FOXO3: variants seen among roughly 807,000 people sequenced by gnomAD.
FOXO3 encodes forkhead box O3.
Under a neutral mutation model 41.9 loss-of-function variants are expected in FOXO3, and 4 were observed. That is an observed-to-expected ratio of 0.10 (90% CI 0.05 to 0.22). The LOEUF (loss-of-function observed/expected upper bound fraction) is 0.22. FOXO3 is among the 10% of genes least tolerant of loss of function. FOXO3 has a pLI of 1.00. For missense variants in FOXO3, 534 were observed against 906.8 expected, an observed-to-expected ratio of 0.59 and a Z score of 5.28; for synonymous variants, 318 against 389.3, an observed-to-expected ratio of 0.82 and a Z score of 2.16.
In FOXO3 at chr6:108,572,571, A is replaced by G. The variant is rs1776132325; in HGVS notation, c.621+10742A>G. Among the ~76,000 whole-genome samples, 3 of 152,328 alleles carry G rather than the reference A, an allele frequency of 2.0e-5. No individual in the cohort carries two copies. In the South Asian group the frequency reaches 6.2e-4, roughly 32 times the overall value. On this transcript the variant is annotated intron_variant, in intron 1 of 2. Transcript: ENST00000406360. ...AGGTACCCAGTAGGTGTTTGGCTTGAAATGTTCAGACATTTAAGAATCAGA... is the reference window on the plus strand; with the variant it reads ...AGGTACCCAGTAGGTGTTTGGCTTGGAATGTTCAGACATTTAAGAATCAGA...
intron 1 of FOXO3, among the ~76,000 whole-genome samples, chr6:108,646,569 C>G (rs953749885): frequency 1.3e-5 from 2 of 152,146 alleles, no homozygotes; most frequent in Admixed American, 6.5e-5. Flanking sequence ...TCTAATAGAA[C>G]TTAATTTTCT....
chr6:108,602,763 A>G (rs758641140), intron 1 of FOXO3, among the ~76,000 whole-genome samples: 1 of 152,104 alleles, frequency 6.6e-6, no homozygotes, highest in Non-Finnish European at 1.5e-5. Context: ...GATTGTGTAC[A>G]TGTGTCTTTC....
At chr6:108,610,724 C>T (rs1392101630) in intron 1 of FOXO3, among the ~76,000 whole-genome samples, 1 of 152,138 alleles carries the variant, frequency 6.6e-6, no homozygotes, top group African/African-American at 2.4e-5. Context: ...ATCTTGTAAC[C>T]CAGAAAGGAT....
At chr6:108,574,626 A>G (rs956650351) in intron 1 of FOXO3, among the ~76,000 whole-genome samples, 2 of 152,198 alleles carry the variant, frequency 1.3e-5, no homozygotes, top group African/African-American at 4.8e-5. Flanking sequence ...GGCTGCCAAG[A>G]TAGAGACAGA....
At chr6:108,667,178 G>A (rs1334927843) in intron 2 of FOXO3, among the ~76,000 whole-genome samples, 2 of 152,140 alleles carry the variant, frequency 1.3e-5, no homozygotes, top group African/African-American at 4.8e-5. Flanking sequence ...CCTTGAGATG[G>A]TGAAAAGACT....
At chr6:108,621,321 G>A (rs898558550) in intron 1 of FOXO3, among the ~76,000 whole-genome samples, 3 of 152,128 alleles carry the variant, frequency 2.0e-5, no homozygotes, top group Admixed American at 1.3e-4. Context: ...GAGTAAGCCC[G>A]CTGCCTTGCC....
chr6:108,582,987 G>A (rs1428912379), intron 1 of FOXO3, among the ~76,000 whole-genome samples: 2 of 152,136 alleles, frequency 1.3e-5, no homozygotes, highest in Non-Finnish European at 2.9e-5. Flanking sequence ...GTCCTGAAAC[G>A]CAGTGCCTTG....
Position 108,665,127 on chromosome 6 carries a change from C to T in FOXO3, c.*34+238C>T, listed in dbSNP as rs543302000. 7.6e-4 allele frequency among the ~76,000 whole-genome samples: 115 copies of T among 152,222 alleles called. 1 individual carries two copies. The highest frequency in any genetic ancestry group is 1.3e-3 in the East Asian group (7 of 5,188). On this transcript the variant is annotated intron_variant, in intron 2 of 2. Coordinates refer to ENST00000406360, the MANE Select transcript of FOXO3 (RefSeq NM_001455.4). Reference sequence around the variant, plus strand: ...GCTGATAGTTCAGAAATCTACTGCTCGTGAAGAGAACACGTACGCATTCAG... The same window carrying T: ...GCTGATAGTTCAGAAATCTACTGCTTGTGAAGAGAACACGTACGCATTCAG...
chr6:108,674,684 G>A (rs908974495), intron 2 of FOXO3, among the ~76,000 whole-genome samples: 4 of 152,176 alleles, frequency 2.6e-5, no homozygotes, highest in African/African-American at 9.7e-5. Flanking sequence ...CAGGCAAAGT[G>A]TCTTTGAACC....
chr6:108,618,199 C>T, intron 1 of FOXO3: 7 of 962,120 alleles, frequency 7.3e-6, no homozygotes, highest in Non-Finnish European at 1.2e-5. Flanking sequence ...TCTTAAACTG[C>T]ACCACAGAAC....
At chr6:108,600,111 T>C (rs1777003254) in intron 1 of FOXO3, among the ~76,000 whole-genome samples, 2 of 152,192 alleles carry the variant, frequency 1.3e-5, no homozygotes, top group African/African-American at 4.8e-5. Flanking sequence ...TTGGGAAAGC[T>C]TCTGTGGCTG....
intron 2 of FOXO3, among the ~76,000 whole-genome samples, chr6:108,678,188 T>A (rs1562270469): frequency 6.6e-6 from 1 of 152,212 alleles, no homozygotes. Flanking sequence ...AGATTGAAGT[T>A]ACAGTACACT....
intron 1 of FOXO3, among the ~76,000 whole-genome samples, chr6:108,637,737 G>A (rs1271101919): frequency 2.0e-5 from 3 of 151,772 alleles, no homozygotes; most frequent in Admixed American, 6.6e-5. Flanking sequence ...CCCCCTTTTG[G>A]TCTCTTCTCT....
At chr6:108,609,301 G>A (rs532923058) in intron 1 of FOXO3, among the ~76,000 whole-genome samples, 1 of 152,292 alleles carries the variant, frequency 6.6e-6, no homozygotes, top group Non-Finnish European at 1.5e-5. Context: ...AGACTAGACA[G>A]ATTTCACTTT....
At chr6:108,679,151 G>C (rs1048574028) in intron 2 of FOXO3, among the ~76,000 whole-genome samples, 3 of 152,126 alleles carry the variant, frequency 2.0e-5, no homozygotes, top group African/African-American at 4.8e-5. Flanking sequence ...GATTACAGGC[G>C]TGAGCCACTG....
chr6:108,659,180 T>TG (rs1224641048), intron 1 of FOXO3, among the ~76,000 whole-genome samples: 11 of 152,214 alleles, frequency 7.2e-5, no homozygotes, highest in African/African-American at 2.7e-4. Context: ...GCACTGTGCC[T>TG]GGCTCAGACT....
rs145661810 is a variant in FOXO3 at position 108,658,023 on chromosome 6, C to T, written c.622-5432C>T. ...GTTGGCTCTTACATGTGAGTTTCTT[C>T]TGCGGGGCTGACTGTGGAGTGGAGT... On this transcript the variant is annotated intron_variant, in intron 1 of 2. Coordinates refer to ENST00000406360, the MANE Select transcript of FOXO3 (RefSeq NM_001455.4). Among the ~76,000 whole-genome samples, 1,066 of 152,266 alleles carry T rather than the reference C, an allele frequency of 7.0e-3. 23 individuals are homozygous for T. Among genetic ancestry groups the T allele is most frequent in the South Asian group, 0.048 (231 of 4,820 alleles).
chr6:108,574,418 G>A (rs1231179124), intron 1 of FOXO3, among the ~76,000 whole-genome samples: 2 of 152,052 alleles, frequency 1.3e-5, no homozygotes, highest in Admixed American at 1.3e-4. Flanking sequence ...GGATATCTGT[G>A]CTTTTTATAG....
At position 108,664,418 on chromosome 6, in the gene FOXO3, G is replaced by T. The variant is rs1778986599; in HGVS notation, c.1585G>T (p.Val529Phe). The stretch of plus-strand genomic sequence containing the variant: ...TGCCCAGCCTAACCAGGGAAGTTTG[G>T]TCAATCAGAACTTGCTCCACCACCA... ...FAAQPNQGSL[V>F]NQNLLHHQHQ... Residue 529 changes from valine to phenylalanine, a missense_variant, in exon 2 of 3, where the codon GTC (valine) becomes TTC (phenylalanine). Val to Phe is a conservative substitution (Grantham distance 50). Transcript: ENST00000406360. 2.5e-6 allele frequency: 4 copies of T among 1,613,740 alleles called. No individual in the cohort carries two copies. The highest frequency in any genetic ancestry group is 1.7e-4 in the Middle Eastern group (1 of 6,056).
Sources: gnomAD v4.1 joint callset for allele counts (sites outside exome capture counted in the v4.1 genomes callset) on GRCh38, gnomAD v4.1.1 for gene constraint, MANE v1.5 for transcripts, NCBI Gene and HGNC (gene_info 2026-07-23, HGNC 2026-07-21) for gene names.